LRRC28: variants seen among roughly 807,000 people sequenced by gnomAD.
LRRC28 encodes the protein leucine rich repeat containing 28.
A neutral mutation model predicts 45.7 loss-of-function variants in LRRC28; 39 were observed. The ratio of observed to expected loss-of-function variants is 0.85; its 90% CI spans 0.66 to 1.12. The LOEUF (loss-of-function observed/expected upper bound fraction) is 1.12, where lower values mean the gene tolerates loss of function less well. Ranked by LOEUF, LRRC28 falls within the 50% of genes most tolerant of loss-of-function variation. LRRC28 has a pLI of 0.00. For synonymous variants in LRRC28, 206 were observed against 178.8 expected, an observed-to-expected ratio of 1.15 and a Z score of -1.22; for missense variants, 435 against 438.5, an observed-to-expected ratio of 0.99 and a Z score of 0.07.
intron 9 of LRRC28, among the ~76,000 whole-genome samples, chr15:99,376,572 A>G (rs1011919193): frequency 6.6e-6 from 1 of 152,152 alleles, no homozygotes; most frequent in Admixed American, 6.5e-5. Flanking sequence ...TCTAGGGTAC[A>G]TGTGCACAAC....
At chr15:99,316,893 A>G (rs962900467) in intron 5 of LRRC28, among the ~76,000 whole-genome samples, 3 of 152,184 alleles carry the variant, frequency 2.0e-5, no homozygotes, top group South Asian at 2.1e-4. Context: ...GGAGGAGTAC[A>G]GTGGCATGAT....
intron 5 of LRRC28, among the ~76,000 whole-genome samples, chr15:99,302,371 GTGTTTT>G (rs888545562): frequency 5.3e-5 from 8 of 151,476 alleles, no homozygotes; most frequent in Non-Finnish European, 8.8e-5. Context: ...GTGTGGGTGT[GTGTTTT>G]TGTTTTTGTT....
At position 99,386,936 on chromosome 15, in the gene LRRC28, G is replaced by C. The variant is rs1958012387; in HGVS notation, c.*834G>C. 1 of 151,406 alleles carries C rather than the reference G, an allele frequency of 6.6e-6. No homozygotes were observed. Among genetic ancestry groups the C allele is most frequent in the Non-Finnish European group, 1.5e-5 (1 of 67,428 alleles). The allele number at this position is 151,406 out of a possible 1,614,324, so 9.4% of individuals were successfully genotyped here. On this transcript the variant is annotated 3_prime_UTR_variant, in exon 10 of 10. Coordinates refer to ENST00000301981, the MANE Select transcript of LRRC28 (RefSeq NM_144598.5). ...TATAAAGTTTCCATACAATGAGAAA[G>C]GGGGAGAAAACACACATTGAAATAA...
intron 3 of LRRC28, among the ~76,000 whole-genome samples, chr15:99,284,199 T>C (rs989626438): frequency 2.0e-5 from 3 of 152,230 alleles, no homozygotes; most frequent in African/African-American, 7.2e-5. Context: ...AGATGGTGTT[T>C]CACTTGCTGC....
At chr15:99,327,114 G>C (rs561927379) in intron 5 of LRRC28, among the ~76,000 whole-genome samples, 1 of 151,822 alleles carries the variant, frequency 6.6e-6, no homozygotes, top group Non-Finnish European at 1.5e-5. Context: ...TTGCTCTGTC[G>C]CCTAGGCTGG....
rs536630512 is a variant in LRRC28, at chr15:99,381,435, A to C, written c.1032-4595A>C. On this transcript the variant is annotated intron_variant, in intron 9 of 9. Transcript: ENST00000301981. ...GGTTATTCTAGTTAGCCATTCGTCT[A>C]ATCTTTTTTCAGGGTTTTTAGCTTC... is the stretch of plus-strand genomic sequence containing the variant. Among the ~76,000 whole-genome samples the C allele has an allele frequency of 1.0e-3, 157 of 152,288 alleles. 2 individuals are homozygous for C. Among genetic ancestry groups the C allele is most frequent in the African/African-American group, 3.7e-3 (155 of 41,558 alleles).
chr15:99,281,464 C>T (rs1005500984), intron 3 of LRRC28, among the ~76,000 whole-genome samples: 2 of 151,032 alleles, frequency 1.3e-5, no homozygotes. Context: ...TTTTCTTTAT[C>T]TTACAGTTCT....
At chr15:99,318,372 G>A (rs140873277) in intron 5 of LRRC28, among the ~76,000 whole-genome samples, 1,827 of 152,154 alleles carry the variant, frequency 0.012, 22 homozygotes, top group Middle Eastern at 0.075. Flanking sequence ...TACAATTGTT[G>A]TGTTTCTTGT....
chr15:99,380,226 G>T (rs922066847), intron 9 of LRRC28, among the ~76,000 whole-genome samples: 6 of 152,136 alleles, frequency 3.9e-5, no homozygotes, highest in Non-Finnish European at 5.9e-5. Context: ...TGCTCCTGTT[G>T]TGGGTGCATA....
In LRRC28 at chr15:99,387,214, C is replaced by A. The variant is rs909740739; in HGVS notation, c.*1112C>A. ...TAGCTGGGACCACAGGCGCCCGCCACCACGCCCGGCTAATTTTTTGTATTT... is the reference window on the plus strand; with the variant it reads ...TAGCTGGGACCACAGGCGCCCGCCAACACGCCCGGCTAATTTTTTGTATTT... On this transcript the variant is annotated 3_prime_UTR_variant, in exon 10 of 10. Coordinates refer to ENST00000301981, the MANE Select transcript of LRRC28 (RefSeq NM_144598.5). The A allele has an allele frequency of 2.7e-5, 4 of 146,018 alleles. No homozygotes were observed. The highest frequency in any genetic ancestry group is 2.0e-4 in the East Asian group (1 of 4,900). 9.0% of individuals were successfully genotyped at this position (146,018 alleles called of 1,614,324 possible).
chr15:99,267,067 AT>A (rs2081351165), intron 2 of LRRC28, among the ~76,000 whole-genome samples: 1 of 152,192 alleles, frequency 6.6e-6, no homozygotes. Flanking sequence ...TATTTTTATA[AT>A]TTGGAGTCAG....
At chr15:99,363,018 A>T in intron 8 of LRRC28, 88 bp from the exon 9 acceptor site, 1 of 1,400,364 alleles carries the variant, frequency 7.1e-7, no homozygotes, top group Non-Finnish European at 9.6e-7. Flanking sequence ...AAGTAACTGA[A>T]CTTATTTGGT....
intron 5 of LRRC28, among the ~76,000 whole-genome samples, chr15:99,291,209 A>G (rs959482929): frequency 6.6e-6 from 1 of 152,208 alleles, no homozygotes; most frequent in Non-Finnish European, 1.5e-5. Flanking sequence ...TACACAAGAA[A>G]TTCGAGGCAT....
chr15:99,282,540 CAT>C lies in LRRC28; in HGVS notation c.210-4714_210-4713del, dbSNP rs137861957. On this transcript the variant is annotated intron_variant, in intron 3 of 9. Transcript: ENST00000301981. Reference sequence around the variant, plus strand: ...TTTTACTGTACCTTTTCTATGTTTACATATGTTTAGATACACAAATACATCGT... The same window carrying C: ...TTTTACTGTACCTTTTCTATGTTTACATGTTTAGATACACAAATACATCGT... Among the ~76,000 whole-genome samples, 624 of 152,212 alleles carry C rather than the reference CAT, an allele frequency of 4.1e-3. 6 individuals carry two copies. Among genetic ancestry groups the C allele is most frequent in the African/African-American group, 0.014 (601 of 41,526 alleles).
intron 5 of LRRC28, among the ~76,000 whole-genome samples, chr15:99,299,145 T>C (rs1325682752): frequency 6.6e-6 from 1 of 152,236 alleles, no homozygotes; most frequent in Non-Finnish European, 1.5e-5. Flanking sequence ...TATTAAAATA[T>C]ATGAATAGTG....
intron 6 of LRRC28, among the ~76,000 whole-genome samples, chr15:99,348,528 C>G (rs1280293534): frequency 6.6e-6 from 1 of 152,100 alleles, no homozygotes; most frequent in Non-Finnish European, 1.5e-5. Context: ...ATTCAAGACA[C>G]TTTCTGTTCC....
chr15:99,347,447 T>C (rs1266946857), intron 6 of LRRC28, among the ~76,000 whole-genome samples: 2 of 152,264 alleles, frequency 1.3e-5, no homozygotes, highest in Non-Finnish European at 2.9e-5. Context: ...GACCTCGTGA[T>C]CTGCCCGCCT....
In LRRC28 at chr15:99,334,079, G is replaced by A. The variant is rs1956242791; in HGVS notation, c.542G>A (p.Ser181Asn). ...YVPRHLCQLP[S>N]LNELSMAGNR... ...CCGCGCCATCTCTGCCAGCTGCCCA[G>A]CCTCAATGAGCTCTCCATGGCTGGA... Residue 181 changes from serine to asparagine, a missense_variant, in exon 6 of 10, where the codon AGC becomes AAC. Coordinates refer to ENST00000301981, the MANE Select transcript of LRRC28 (RefSeq NM_144598.5). 6.2e-7 allele frequency: 1 copy of A among 1,614,134 alleles called. No individual in the cohort carries two copies. The highest frequency in any genetic ancestry group is 8.5e-7 in the Non-Finnish European group (1 of 1,180,000).
intron 6 of LRRC28, among the ~76,000 whole-genome samples, chr15:99,350,925 A>T (rs1956857709): frequency 6.6e-6 from 1 of 152,104 alleles, no homozygotes; most frequent in Non-Finnish European, 1.5e-5. Context: ...TCTCCTGAGC[A>T]GCTGGAACTA....
Sources: allele counts gnomAD v4.1 joint callset (sites outside exome capture counted in the v4.1 genomes callset), GRCh38; gene constraint gnomAD v4.1.1; transcripts MANE v1.5; gene names NCBI Gene and HGNC (gene_info 2026-07-23, HGNC 2026-07-21).